XKR9: variants seen among roughly 807,000 people sequenced by gnomAD.
The protein encoded by XKR9 is XK related 9.
Under a neutral mutation model 32.0 loss-of-function variants are expected in XKR9, and 32 were observed. The ratio of observed to expected loss-of-function variants is 1.00; its 90% CI spans 0.76 to 1.34. XKR9 has a LOEUF of 1.34. Among genes scored for constraint, XKR9 ranks in the 40% most tolerant of loss-of-function variants. The probability of loss-of-function intolerance (pLI) is 0.00; values close to 1 mark genes in which losing one functional copy is unlikely to be tolerated. For synonymous variants in XKR9, 168 were observed against 143.4 expected (o/e 1.17, Z -1.22); for missense variants, 546 against 429.7 (o/e 1.27, Z -2.39).
At chr8:70,908,541 G>C in the XKR9 span, among the ~76,000 whole-genome samples, 1 of 152,192 alleles carries the variant, frequency 6.6e-6, no homozygotes, top group Non-Finnish European at 1.5e-5. Context: ...TCTAGATCAG[G>C]AGTTGGCAAC....
the XKR9 span, among the ~76,000 whole-genome samples, chr8:70,840,118 T>C: frequency 6.6e-6 from 1 of 152,160 alleles, no homozygotes; most frequent in African/African-American, 2.4e-5. Flanking sequence ...AAGTAACTTG[T>C]GTTGACTGCT....
chr8:71,050,270 G>GATAGATATAGATATAGATATATAT, the XKR9 span, among the ~76,000 whole-genome samples: 6 of 123,720 alleles, frequency 4.8e-5, no homozygotes, highest in South Asian at 2.4e-4. Flanking sequence ...TAGATAGATA[G>GATAGATATAGATATAGATATATAT]ATAGATATAG....
At position 70,734,559 on chromosome 8, in the gene XKR9, A is replaced by G; in HGVS notation, c.*135A>G. The G allele has an allele frequency of 8.8e-7, 1 of 1,134,284 alleles. No homozygotes were observed. 70.3% of individuals were successfully genotyped at this position (1,134,284 alleles called of 1,614,324 possible). A position where few individuals can be genotyped will look rare whatever the true frequency, so the allele number is the denominator to read the frequency against. ...ATTAGTTCAGTGAAATAGGAGATAC[A>G]TAGTAGTATTTTATTTTTAAAATTA... is the stretch of plus-strand genomic sequence containing the variant. On this transcript the variant is annotated 3_prime_UTR_variant, in exon 5 of 5. Coordinates refer to ENST00000408926, the MANE Select transcript of XKR9 (RefSeq NM_001011720.2).
the XKR9 span, among the ~76,000 whole-genome samples, chr8:70,995,575 G>A: frequency 2.6e-5 from 4 of 152,226 alleles, no homozygotes; most frequent in South Asian, 4.1e-4. Flanking sequence ...AAACCTACAT[G>A]CTACATCACT....
At chr8:70,787,735 T>G (rs747519566) in intron 2 of XKR9, among the ~76,000 whole-genome samples, 7 of 152,066 alleles carry the variant, frequency 4.6e-5, no homozygotes, top group African/African-American at 7.2e-5. Flanking sequence ...TTTATTTAAG[T>G]ACAGTTTGCT....
At chr8:70,718,741 T>A (rs368730) in intron 4 of XKR9, among the ~76,000 whole-genome samples, 1 of 152,220 alleles carries the variant, frequency 6.6e-6, no homozygotes, top group South Asian at 2.1e-4. Context: ...TTTGGGTTGT[T>A]TCCAAGTGTT....
At chr8:70,917,523 T>C in the XKR9 span, among the ~76,000 whole-genome samples, 1 of 152,216 alleles carries the variant, frequency 6.6e-6, no homozygotes, top group Admixed American at 6.5e-5. Context: ...TAAATGCATT[T>C]TGACTTTTGA....
the XKR9 span, among the ~76,000 whole-genome samples, chr8:70,901,051 T>C: frequency 2.0e-5 from 3 of 152,334 alleles, no homozygotes; most frequent in Admixed American, 2.0e-4. Flanking sequence ...CTTAATCCAG[T>C]CTATCATTGA....
intron 4 of XKR9, among the ~76,000 whole-genome samples, chr8:70,721,738 A>C (rs1259372259): frequency 6.6e-6 from 1 of 152,100 alleles, no homozygotes; most frequent in African/African-American, 2.4e-5. Context: ...TGTCGATTTT[A>C]GAATAAGTGC....
At chr8:70,674,011 G>A (rs1330033662) in intron 1 of XKR9, among the ~76,000 whole-genome samples, 3 of 152,056 alleles carry the variant, frequency 2.0e-5, no homozygotes, top group Non-Finnish European at 4.4e-5. Context: ...TACTTTTAAA[G>A]TATATATGGG....
the XKR9 span, among the ~76,000 whole-genome samples, chr8:70,937,411 AATTAGG>A: frequency 6.6e-6 from 1 of 152,008 alleles, no homozygotes; most frequent in Admixed American, 6.6e-5. Context: ...GAATCTCCAA[AATTAGG>A]ATCTAGCAGC....
At chr8:70,941,147 C>T in the XKR9 span, among the ~76,000 whole-genome samples, 1 of 151,946 alleles carries the variant, frequency 6.6e-6, no homozygotes, top group East Asian at 1.9e-4. Context: ...CCTTGGCAAC[C>T]ACCAATCTGC....
chr8:70,936,833 T>C, the XKR9 span, among the ~76,000 whole-genome samples: 1 of 152,098 alleles, frequency 6.6e-6, no homozygotes, highest in Non-Finnish European at 1.5e-5. Flanking sequence ...AAGCCGCTTC[T>C]TTAAAAAGTA....
chr8:70,769,987 G>A (rs1258801668), intron 2 of XKR9, among the ~76,000 whole-genome samples: 1 of 152,006 alleles, frequency 6.6e-6, no homozygotes, highest in Non-Finnish European at 1.5e-5. Context: ...CCTTGCTGGC[G>A]AGGAATTGTG....
intron 3 of XKR9, among the ~76,000 whole-genome samples, chr8:70,704,016 A>G (rs1415382494): frequency 6.6e-6 from 1 of 152,020 alleles, no homozygotes; most frequent in African/African-American, 2.4e-5. Context: ...CCCTGCCTCT[A>G]CTAAAAATAC....
At chr8:70,749,883 G>A (rs1329051918) in intron 2 of XKR9, among the ~76,000 whole-genome samples, 1 of 152,182 alleles carries the variant, frequency 6.6e-6, no homozygotes, top group Non-Finnish European at 1.5e-5. Flanking sequence ...ACTGTTGCAT[G>A]TTGTGTTTAT....
the XKR9 span, among the ~76,000 whole-genome samples, chr8:70,848,387 G>A: frequency 6.6e-6 from 1 of 151,826 alleles, no homozygotes; most frequent in South Asian, 2.1e-4. Context: ...TTAAGGACTG[G>A]AACAAGTCAA....
At chr8:70,905,342 C>A in the XKR9 span, among the ~76,000 whole-genome samples, 1 of 152,116 alleles carries the variant, frequency 6.6e-6, no homozygotes, top group African/African-American at 2.4e-5. Flanking sequence ...TTTCTCTAAA[C>A]TTCTCTTCTT....
At chr8:70,852,434 G>A in the XKR9 span, among the ~76,000 whole-genome samples, 21 of 148,088 alleles carry the variant, frequency 1.4e-4, no homozygotes, top group African/African-American at 4.4e-4. Flanking sequence ...ATCCCATTAC[G>A]GGATTATAAA....
Sources: allele counts gnomAD v4.1 joint callset (sites outside exome capture counted in the v4.1 genomes callset), GRCh38; gene constraint gnomAD v4.1.1; transcripts MANE v1.5; gene names NCBI Gene and HGNC (gene_info 2026-07-23, HGNC 2026-07-21).